FGF14: variants seen among roughly 807,000 people sequenced by gnomAD.
FGF14 encodes fibroblast growth factor homologous factor 4.
In FGF14, 5 loss-of-function variants were observed where a neutral mutation model predicts 25.5. That is an observed-to-expected ratio of 0.20 (90% CI 0.10 to 0.41). FGF14 has a LOEUF of 0.41. Among genes scored for constraint, FGF14 ranks in the 10% least tolerant of loss-of-function variants. The pLI is 1.00. For missense variants in FGF14, 222 were observed against 320.1 expected, an observed-to-expected ratio of 0.69 and a Z score of 2.34; for synonymous variants, 138 against 118.3, an observed-to-expected ratio of 1.17 and a Z score of -1.08.
intron 1 of FGF14, among the ~76,000 whole-genome samples, chr13:102,257,342 C>CTTTTTTTTTTTTTTTTTTTTTTTTTTTTT (rs71125058): frequency 3.1e-5 from 1 of 32,554 alleles, no homozygotes; most frequent in Non-Finnish European, 5.4e-5. Flanking sequence ...CCTTTCTTTT[C>CTTTTTTTTTTTTTTTTTTTTTTTTTTTTT]TTTTTTTTTT....
At chr13:102,152,530 GACTTAAT>G (rs2047131590) in intron 1 of FGF14, among the ~76,000 whole-genome samples, 1 of 152,112 alleles carries the variant, frequency 6.6e-6, no homozygotes, top group African/African-American at 2.4e-5. Context: ...ACCTAATTTT[GACTTAAT>G]ACCTATCTCC....
intron 1 of FGF14, among the ~76,000 whole-genome samples, chr13:102,224,068 A>T (rs2050730665): frequency 6.6e-6 from 1 of 152,172 alleles, no homozygotes; most frequent in Non-Finnish European, 1.5e-5. Context: ...AAACACGTAT[A>T]AACATATTGT....
intron 3 of FGF14, among the ~76,000 whole-genome samples, chr13:101,852,191 T>G (rs1052547174): frequency 2.6e-5 from 4 of 152,124 alleles, no homozygotes; most frequent in Admixed American, 2.0e-4. Context: ...ATCACTGCAA[T>G]TCTGAAATGC....
intron 1 of FGF14, among the ~76,000 whole-genome samples, chr13:102,366,172 C>A (rs2057706122): frequency 6.6e-6 from 1 of 152,208 alleles, no homozygotes; most frequent in Non-Finnish European, 1.5e-5. Flanking sequence ...TATCCTGCTG[C>A]CTTTCACTGG....
chr13:102,333,390 T>C (rs1032498936), intron 1 of FGF14, among the ~76,000 whole-genome samples: 4 of 152,130 alleles, frequency 2.6e-5, no homozygotes, highest in Non-Finnish European at 4.4e-5. Flanking sequence ...AGCTGGCCCA[T>C]AAAACAGTCT....
At chr13:102,260,586 A>C (rs951028595) in intron 1 of FGF14, among the ~76,000 whole-genome samples, 1 of 152,258 alleles carries the variant, frequency 6.6e-6, no homozygotes, top group African/African-American at 2.4e-5. Context: ...AGGGTGACTA[A>C]AGAGACAGCT....
At position 101,720,530 on chromosome 13, in the gene FGF14, C is replaced by CTGTG. The variant is rs56200654; in HGVS notation, c.*2297_*2300dup. The stretch of plus-strand genomic sequence containing the variant: ...TAACAAATAGATGGGGGTGTTTGCT[C>CTGTG]TGTGTGTGTGTGTGTGTGTGTGTGT... On this transcript the variant is annotated 3_prime_UTR_variant, in exon 5 of 5. Transcript: ENST00000376143. 7,317 of 147,596 alleles carry CTGTG rather than the reference C, an allele frequency of 0.05. 208 individuals carry two copies. Among genetic ancestry groups the CTGTG allele is most frequent in the African/African-American group, 0.069 (2,738 of 39,874 alleles). 9.1% of individuals were successfully genotyped at this position (147,596 alleles called of 1,614,324 possible). A position where few individuals can be genotyped will look rare whatever the true frequency, so the allele number is the denominator to read the frequency against.
intron 1 of FGF14, among the ~76,000 whole-genome samples, chr13:101,905,763 T>C (rs948281509): frequency 6.6e-5 from 10 of 152,154 alleles, no homozygotes; most frequent in South Asian, 6.2e-4. Flanking sequence ...TAGCCTGTTC[T>C]ATGGGTACAT....
At chr13:101,820,805 CAACACA>C (rs1566940709) in intron 3 of FGF14, among the ~76,000 whole-genome samples, 1 of 66,656 alleles carries the variant, frequency 1.5e-5, no homozygotes, top group African/African-American at 4.6e-5. Flanking sequence ...CACACACACA[CAACACA>C]CACACACACA....
intron 1 of FGF14, among the ~76,000 whole-genome samples, chr13:102,230,124 G>C (rs2051011760): frequency 6.6e-6 from 1 of 152,144 alleles, no homozygotes; most frequent in African/African-American, 2.4e-5. Flanking sequence ...GCTCTTATAA[G>C]AAGGTCCGAG....
intron 1 of FGF14, among the ~76,000 whole-genome samples, chr13:102,184,354 G>A (rs1376324984): frequency 6.6e-6 from 1 of 152,112 alleles, no homozygotes; most frequent in Non-Finnish European, 1.5e-5. Context: ...AATAAAGACA[G>A]GCAGAAGGCT....
intron 1 of FGF14, among the ~76,000 whole-genome samples, chr13:102,122,685 C>G (rs1424130655): frequency 6.6e-6 from 1 of 152,104 alleles, no homozygotes; most frequent in Non-Finnish European, 1.5e-5. Context: ...GGCATTTTCT[C>G]TAGCAGGAAA....
intron 4 of FGF14, among the ~76,000 whole-genome samples, chr13:101,724,385 T>G (rs1424807991): frequency 6.8e-6 from 1 of 146,602 alleles, no homozygotes; most frequent in African/African-American, 2.5e-5. Context: ...AGGTGGGAAC[T>G]GAACAATGAG....
intron 1 of FGF14, among the ~76,000 whole-genome samples, chr13:102,039,598 G>A (rs890762951): frequency 1.3e-5 from 2 of 152,124 alleles, no homozygotes; most frequent in Non-Finnish European, 2.9e-5. Flanking sequence ...TATTCTAGAT[G>A]TGCCTGTGTC....
intron 1 of FGF14, among the ~76,000 whole-genome samples, chr13:102,136,011 T>C (rs909255639): frequency 5.9e-5 from 9 of 152,166 alleles, no homozygotes; most frequent in African/African-American, 1.9e-4. Flanking sequence ...AATTTACATA[T>C]CTTGATGCAT....
intron 1 of FGF14, among the ~76,000 whole-genome samples, chr13:102,319,904 C>A (rs2056180223): frequency 6.6e-6 from 1 of 152,142 alleles, no homozygotes; most frequent in Non-Finnish European, 1.5e-5. Flanking sequence ...TATGCACATG[C>A]ATACTGATGA....
intron 1 of FGF14, among the ~76,000 whole-genome samples, chr13:102,352,930 C>A (rs889205952): frequency 1.3e-5 from 2 of 151,950 alleles, no homozygotes; most frequent in Non-Finnish European, 2.9e-5. Context: ...CTAATTCTCA[C>A]TCCTCTTCCC....
At chr13:102,140,034 C>T (rs1272355467) in intron 1 of FGF14, among the ~76,000 whole-genome samples, 1 of 146,702 alleles carries the variant, frequency 6.8e-6, no homozygotes, top group Non-Finnish European at 1.5e-5. Context: ...TTAGGTCAAA[C>T]TCTTCAAGAC....
chr13:102,243,395 T>C (rs926661591), intron 1 of FGF14, among the ~76,000 whole-genome samples: 1 of 152,080 alleles, frequency 6.6e-6, no homozygotes, highest in Admixed American at 6.6e-5. Context: ...AAAAATGTTT[T>C]AAAGTCCAAA....
Sources: allele counts gnomAD v4.1 joint callset (sites outside exome capture counted in the v4.1 genomes callset), GRCh38; gene constraint gnomAD v4.1.1; transcripts MANE v1.5; gene names NCBI Gene and HGNC (gene_info 2026-07-23, HGNC 2026-07-21).